DTWD2: variants seen among roughly 807,000 people sequenced by gnomAD.
DTWD2 encodes the protein tRNA-uridine aminocarboxypropyltransferase 2.
DTWD2 carries 39 observed loss-of-function variants against 31.8 expected under a neutral mutation model. That is an observed-to-expected ratio of 1.22 (90% CI 0.95 to 1.60). DTWD2 has a LOEUF of 1.60. DTWD2 is among the 40% of genes most tolerant of loss of function. The pLI, the probability that DTWD2 is intolerant of heterozygous loss-of-function variation, is 0.00. For synonymous variants in DTWD2, 180 were observed against 142.8 expected, an observed-to-expected ratio of 1.26 and a Z score of -1.86; for missense variants, 515 against 381.5, an observed-to-expected ratio of 1.35 and a Z score of -2.92.
At chr5:118,928,269 CTT>C (rs1753849853) in intron 4 of DTWD2, among the ~76,000 whole-genome samples, 1 of 151,862 alleles carries the variant, frequency 6.6e-6, no homozygotes, top group Admixed American at 6.6e-5. Flanking sequence ...CTAAGAGACT[CTT>C]AATATAGCCA....
chr5:118,862,469 C>T (rs183767569), intron 4 of DTWD2, among the ~76,000 whole-genome samples: 39 of 152,090 alleles, frequency 2.6e-4, no homozygotes, highest in Admixed American at 2.5e-3. Flanking sequence ...ATCAAGGCAG[C>T]TTTGGTTACT....
At chr5:118,883,134 C>G (rs994690479) in intron 4 of DTWD2, among the ~76,000 whole-genome samples, 1 of 152,240 alleles carries the variant, frequency 6.6e-6, no homozygotes, top group Non-Finnish European at 1.5e-5. Context: ...TAAATCATCT[C>G]TTTCAAGTTA....
At chr5:118,940,307 A>G (rs939414676) in intron 2 of DTWD2, among the ~76,000 whole-genome samples, 5 of 152,222 alleles carry the variant, frequency 3.3e-5, no homozygotes, top group African/African-American at 1.2e-4. Context: ...TGTTTAATAC[A>G]ATGTTCTTCT....
rs778926825 is a variant in DTWD2, at chr5:118,988,312, G to C, written c.200C>G (p.Pro67Arg). Residue 67 changes from proline to arginine, a missense_variant, in exon 1 of 6, where the codon CCT (proline) becomes CGT (arginine). Coordinates refer to ENST00000510708, the MANE Select transcript of DTWD2 (RefSeq NM_173666.4). ...ELPVEPAERR[P>R]ECTRCSRPQK... ...CGGTCACCTGCAGCGGGTGCACTCA[G>C]GCCTCCGCTCGGCCGGCTCCACCGG... 723 of 1,526,082 alleles carry C rather than the reference G, an allele frequency of 4.7e-4. 2 individuals are homozygous for C. Among genetic ancestry groups the C allele is most frequent in the Non-Finnish European group, 5.8e-4 (661 of 1,141,294 alleles). The allele number at this position is 1,526,082 out of a possible 1,614,324, so 94.5% of individuals were successfully genotyped here.
At chr5:118,922,405 T>C (rs1218928098) in intron 4 of DTWD2, among the ~76,000 whole-genome samples, 2 of 152,178 alleles carry the variant, frequency 1.3e-5, no homozygotes, top group African/African-American at 4.8e-5. Context: ...ATTTTTACAC[T>C]ATTAAAGAAA....
chr5:118,985,977 G>A (rs1339646072), intron 1 of DTWD2, among the ~76,000 whole-genome samples: 1 of 152,106 alleles, frequency 6.6e-6, no homozygotes, highest in Non-Finnish European at 1.5e-5. Context: ...CAGGAGAACT[G>A]AAGTCATCTC....
chr5:118,847,689 A>G (rs1251190359), intron 5 of DTWD2, among the ~76,000 whole-genome samples: 1 of 151,986 alleles, frequency 6.6e-6, no homozygotes, highest in African/African-American at 2.4e-5. Flanking sequence ...ATACGGCACC[A>G]AGGCAAAAAT....
At chr5:118,933,423 A>G (rs1383175737) in intron 3 of DTWD2, among the ~76,000 whole-genome samples, 1 of 152,202 alleles carries the variant, frequency 6.6e-6, no homozygotes, top group Non-Finnish European at 1.5e-5. Context: ...TCAACAAAAT[A>G]TCAGCAAATT....
intron 1 of DTWD2, among the ~76,000 whole-genome samples, chr5:118,983,649 CT>C (rs1409655595): frequency 6.6e-6 from 1 of 152,186 alleles, no homozygotes; most frequent in African/African-American, 2.4e-5. Context: ...CATCCTGTTA[CT>C]AACTTAAAAA....
At chr5:118,902,862 T>G (rs527640894) in intron 4 of DTWD2, among the ~76,000 whole-genome samples, 1 of 152,198 alleles carries the variant, frequency 6.6e-6, no homozygotes, top group African/African-American at 2.4e-5. Context: ...GCTCTAAGCT[T>G]ATGAATCATT....
chr5:118,870,715 G>C (rs1490917756), intron 4 of DTWD2, among the ~76,000 whole-genome samples: 2 of 152,114 alleles, frequency 1.3e-5, no homozygotes, highest in Non-Finnish European at 2.9e-5. Context: ...GGTTGGGTAG[G>C]CTGTGGCAAT....
At chr5:118,880,198 T>C (rs555391327) in intron 4 of DTWD2, among the ~76,000 whole-genome samples, 4 of 152,340 alleles carry the variant, frequency 2.6e-5, no homozygotes, top group Non-Finnish European at 5.9e-5. Context: ...AATAATCTTG[T>C]ATCTGTCTAA....
chr5:118,918,162 C>A (rs1753620630), intron 4 of DTWD2, among the ~76,000 whole-genome samples: 1 of 152,174 alleles, frequency 6.6e-6, no homozygotes, highest in Non-Finnish European at 1.5e-5. Flanking sequence ...TTTTCAGATG[C>A]AGCAGAGAAG....
In DTWD2 at chr5:118,978,288, G is replaced by A. The variant is rs1412652237; in HGVS notation, c.218+10006C>T. On this transcript the variant is annotated intron_variant, in intron 1 of 5. Coordinates refer to ENST00000510708, the MANE Select transcript of DTWD2 (RefSeq NM_173666.4). ...AGAAAAACCCTAGAAGAAAATCCAG[G>A]CAATACCATTCAGGACGTTGGCACG... 3.3e-5 allele frequency among the ~76,000 whole-genome samples: 5 copies of A among 152,032 alleles called. No individual in the cohort carries two copies. The East Asian group carries it at 9.6e-4, about 29-fold the overall frequency.
intron 4 of DTWD2, among the ~76,000 whole-genome samples, chr5:118,920,172 G>A (rs77801181): frequency 0.021 from 3,194 of 152,060 alleles, 54 homozygotes; most frequent in Non-Finnish European, 0.026. Flanking sequence ...GTATTTTGTT[G>A]TAACACCCTG....
chr5:118,904,037 G>A (rs936240898), intron 4 of DTWD2, among the ~76,000 whole-genome samples: 71 of 151,964 alleles, frequency 4.7e-4, no homozygotes, highest in Non-Finnish European at 9.0e-4. Flanking sequence ...CTAAATTTAG[G>A]GTTACACCAA....
At chr5:118,885,462 A>G (rs1752841595) in intron 4 of DTWD2, among the ~76,000 whole-genome samples, 1 of 149,182 alleles carries the variant, frequency 6.7e-6, no homozygotes, top group Admixed American at 6.6e-5. Context: ...ACCTCAAAAA[A>G]AAAAAAAAAA....
chr5:118,886,947 G>C (rs1200790941), intron 4 of DTWD2, among the ~76,000 whole-genome samples: 1 of 152,062 alleles, frequency 6.6e-6, no homozygotes, highest in African/African-American at 2.4e-5. Context: ...AGAAATTAAT[G>C]CCAATAAAGA....
At chr5:118,876,349 C>T (rs1401818341) in intron 4 of DTWD2, among the ~76,000 whole-genome samples, 12 of 151,764 alleles carry the variant, frequency 7.9e-5, no homozygotes, top group Non-Finnish European at 1.8e-4. Context: ...AAGAAATAAC[C>T]ACAATCAGAG....
Sources: allele counts gnomAD v4.1 joint callset (sites outside exome capture counted in the v4.1 genomes callset), GRCh38; gene constraint gnomAD v4.1.1; transcripts MANE v1.5; gene names NCBI Gene and HGNC (gene_info 2026-07-23, HGNC 2026-07-21).